Variants in SND1 observed in about 807,000 individuals in gnomAD.
SND1 encodes staphylococcal nuclease and tudor domain containing 1, also known as staphylococcal nuclease domain-containing protein 1.
Under a neutral mutation model 121.7 loss-of-function variants are expected in SND1, and 38 were observed. The observed-to-expected ratio is 0.31, with a 90% CI of 0.24 to 0.41. SND1 has a LOEUF of 0.41. Ranked by LOEUF, SND1 falls within the 10% of genes least tolerant of loss-of-function variation. SND1 has a pLI of 1.00. For missense variants in SND1, 868 were observed against 1,184.6 expected, an observed-to-expected ratio of 0.73 and a Z score of 3.92; for synonymous variants, 401 against 447.4, an observed-to-expected ratio of 0.90 and a Z score of 1.31.
At chr7:127,739,504 A>AT (rs1484734713) in intron 10 of SND1, among the ~76,000 whole-genome samples, 1 of 152,172 alleles carries the variant, frequency 6.6e-6, no homozygotes, top group African/African-American at 2.4e-5. Flanking sequence ...CCTGGCCTGC[A>AT]TCCTCAAGGA....
At chr7:127,998,887 T>C (rs1367765775) in intron 16 of SND1, 3 of 152,282 alleles carry the variant, frequency 2.0e-5, no homozygotes, top group Non-Finnish European at 2.9e-5. Flanking sequence ...CATGTGCTAA[T>C]AGGTGCCAAT....
At chr7:127,734,371 G>T (rs1406562852) in intron 10 of SND1, among the ~76,000 whole-genome samples, 1 of 152,102 alleles carries the variant, frequency 6.6e-6, no homozygotes, top group Non-Finnish European at 1.5e-5. Flanking sequence ...TGTTTAGGTG[G>T]GGCCTGCTAT....
intron 16 of SND1, among the ~76,000 whole-genome samples, chr7:128,043,859 CAT>C (rs543224820): frequency 0.015 from 731 of 50,374 alleles, 10 homozygotes; most frequent in African/African-American, 0.069. Flanking sequence ...TATATATACA[CAT>C]ATACACACAC....
chr7:127,923,659 A>T (rs1359122887), intron 14 of SND1, among the ~76,000 whole-genome samples: 2 of 152,196 alleles, frequency 1.3e-5, no homozygotes, highest in Non-Finnish European at 1.5e-5. Context: ...GGAAAGGAGG[A>T]AGAGTGTGGA....
chr7:127,814,980 G>A (rs1018883676), intron 11 of SND1, among the ~76,000 whole-genome samples: 11 of 152,170 alleles, frequency 7.2e-5, no homozygotes, highest in African/African-American at 1.9e-4. Context: ...TAAAATCTGA[G>A]TGATACTTTT....
intron 12 of SND1, among the ~76,000 whole-genome samples, chr7:127,852,501 A>T (rs940492513): frequency 6.6e-6 from 1 of 151,234 alleles, no homozygotes; most frequent in East Asian, 1.9e-4. Flanking sequence ...AAAAAAAAAA[A>T]AAAAAAGAAA....
intron 12 of SND1, among the ~76,000 whole-genome samples, chr7:127,876,086 C>T (rs1799684369): frequency 6.6e-6 from 1 of 152,106 alleles, no homozygotes; most frequent in South Asian, 2.1e-4. Flanking sequence ...CCTCCTCTCC[C>T]CTAACCATTT....
intron 10 of SND1, among the ~76,000 whole-genome samples, chr7:127,805,201 C>T (rs935504174): frequency 1.3e-5 from 2 of 152,174 alleles, no homozygotes; most frequent in Non-Finnish European, 2.9e-5. Flanking sequence ...TTCTATGCAT[C>T]CCATTTCCTT....
At chr7:128,024,499 C>T (rs1208439356) in intron 16 of SND1, among the ~76,000 whole-genome samples, 1 of 152,192 alleles carries the variant, frequency 6.6e-6, no homozygotes, top group East Asian at 1.9e-4. Context: ...GAGTAAGGCC[C>T]ACTTAGCCCT....
At chr7:127,934,707 G>A (rs1228186604) in intron 15 of SND1, among the ~76,000 whole-genome samples, 1 of 152,182 alleles carries the variant, frequency 6.6e-6, no homozygotes, top group Non-Finnish European at 1.5e-5. Flanking sequence ...CAACACAAAA[G>A]TAAGAATAGG....
chr7:128,074,026 T>C (rs1793461601), intron 16 of SND1, among the ~76,000 whole-genome samples: 1 of 152,212 alleles, frequency 6.6e-6, no homozygotes, highest in African/African-American at 2.4e-5. Context: ...CTCCTGCTTT[T>C]CATGCAACCA....
At chr7:127,746,231 A>G (rs1411854956) in intron 10 of SND1, among the ~76,000 whole-genome samples, 1 of 152,214 alleles carries the variant, frequency 6.6e-6, no homozygotes, top group Non-Finnish European at 1.5e-5. Flanking sequence ...GCCTGCCAGT[A>G]TGATACATTG....
intron 12 of SND1, among the ~76,000 whole-genome samples, chr7:127,883,089 T>C (rs1300532069): frequency 6.6e-6 from 1 of 152,156 alleles, no homozygotes; most frequent in Non-Finnish European, 1.5e-5. Context: ...TGGTTCCTGA[T>C]ATAAACAAAC....
chr7:127,771,455 AT>A (rs1165856109), intron 10 of SND1, among the ~76,000 whole-genome samples: 1 of 152,194 alleles, frequency 6.6e-6, no homozygotes, highest in African/African-American at 2.4e-5. Flanking sequence ...AGGTAGATTG[AT>A]TATGCTTAAT....
At chr7:127,967,297 A>T (rs1320973873) in intron 15 of SND1, among the ~76,000 whole-genome samples, 1 of 152,214 alleles carries the variant, frequency 6.6e-6, no homozygotes, top group Non-Finnish European at 1.5e-5. Context: ...ATCCAGAGAG[A>T]AAACTCTCAT....
At chr7:127,813,762 CAT>C (rs1201829364) in intron 11 of SND1, among the ~76,000 whole-genome samples, 1 of 152,072 alleles carries the variant, frequency 6.6e-6, no homozygotes. Flanking sequence ...GGGGTTTCAC[CAT>C]GTTGGCCAGG....
intron 9 of SND1, among the ~76,000 whole-genome samples, chr7:127,713,018 T>A (rs1021822388): frequency 5.3e-5 from 8 of 152,266 alleles, no homozygotes; most frequent in Admixed American, 5.2e-4. Context: ...TTTAGAAATG[T>A]TAACCAGTAT....
At chr7:128,025,603 G>A (rs573224013) in intron 16 of SND1, among the ~76,000 whole-genome samples, 5 of 152,276 alleles carry the variant, frequency 3.3e-5, no homozygotes, top group African/African-American at 9.6e-5. Flanking sequence ...CAGCATTCAC[G>A]GCTGCATTTT....
intron 12 of SND1, among the ~76,000 whole-genome samples, chr7:127,854,968 A>G (rs1799246465): frequency 1.3e-5 from 2 of 151,612 alleles, no homozygotes; most frequent in Non-Finnish European, 2.9e-5. Context: ...CATCCTGCTA[A>G]TATAATAGCT....
Sources: gnomAD v4.1 joint callset for allele counts (sites outside exome capture counted in the v4.1 genomes callset) on GRCh38, gnomAD v4.1.1 for gene constraint, MANE v1.5 for transcripts, NCBI Gene and HGNC (gene_info 2026-07-23, HGNC 2026-07-21) for gene names.